The following RERE variants were observed in gnomAD, a reference collection of about 807,000 sequenced individuals.
The protein encoded by RERE is arginine-glutamic acid dipeptide repeats, also known as arginine-glutamic acid dipeptide repeats protein.
A neutral mutation model predicts 146.1 loss-of-function variants in RERE; 40 were observed. That is an observed-to-expected ratio of 0.27 (90% CI 0.21 to 0.36). RERE has a LOEUF of 0.36. RERE is among the 10% of genes least tolerant of loss of function. The pLI is 1.00. For missense variants in RERE, 1,933 were observed against 2,138.7 expected (o/e 0.90, Z 1.90); for synonymous variants, 1,003 against 866.0 (o/e 1.16, Z -2.78).
intron 2 of RERE, among the ~76,000 whole-genome samples, chr1:8,639,664 A>G (rs1358209306): frequency 6.6e-6 from 1 of 152,234 alleles, no homozygotes; most frequent in Non-Finnish European, 1.5e-5. Flanking sequence ...TATGCTGTGA[A>G]ATAGTGGTAA....
chr1:8,526,030 G>A (rs924068574), intron 7 of RERE: 60 of 1,253,054 alleles, frequency 4.8e-5, no homozygotes, highest in Non-Finnish European at 5.2e-5. Flanking sequence ...TCTCCACGAC[G>A]CAATCAATCT....
chr1:8,614,540 TA>T lies in RERE; in HGVS notation c.522+20del, dbSNP rs1306931082. The T allele has an allele frequency of 6.2e-7, 1 of 1,601,252 alleles. No homozygotes were observed. Among genetic ancestry groups the T allele is most frequent in the Non-Finnish European group, 8.5e-7 (1 of 1,175,298 alleles). ...TGGGATATAAAATACTGATAGCTTT[TA>T]AAAACGGGATTCTCCTTACCCCTAC... is the stretch of plus-strand genomic sequence containing the variant. On this transcript the variant is annotated intron_variant, in intron 4 of 22. Transcript: ENST00000400908.
chr1:8,592,423 A>G (rs1646506552), intron 4 of RERE, among the ~76,000 whole-genome samples: 1 of 152,060 alleles, frequency 6.6e-6, no homozygotes, highest in Admixed American at 6.5e-5. Context: ...GGTGCATACC[A>G]CCATGCCCGG....
intron 2 of RERE, among the ~76,000 whole-genome samples, chr1:8,634,398 AC>A (rs1241865536): frequency 2.6e-5 from 4 of 152,196 alleles, no homozygotes; most frequent in Non-Finnish European, 5.9e-5. Context: ...CCACTATAAA[AC>A]ATCTTCTACA....
intron 2 of RERE, among the ~76,000 whole-genome samples, chr1:8,638,998 C>G (rs1239245844): frequency 6.6e-6 from 1 of 151,988 alleles, no homozygotes; most frequent in Admixed American, 6.6e-5. Flanking sequence ...TGGTCTCGAT[C>G]TCCTGATCTC....
intron 10 of RERE, among the ~76,000 whole-genome samples, chr1:8,488,314 C>G (rs901687475): frequency 6.6e-6 from 1 of 152,032 alleles, no homozygotes; most frequent in Non-Finnish European, 1.5e-5. Context: ...GGCACGGTTT[C>G]GGCTGACTGT....
chr1:8,381,145 T>G, intron 12 of RERE: 1 of 379,292 alleles, frequency 2.6e-6, no homozygotes, highest in Non-Finnish European at 5.3e-6. Context: ...ATGCGCCTGT[T>G]TCCATGATTA....
chr1:8,636,378 T>C (rs1365782827), intron 2 of RERE, among the ~76,000 whole-genome samples: 2 of 151,972 alleles, frequency 1.3e-5, no homozygotes, highest in African/African-American at 4.8e-5. Flanking sequence ...CCTTCTTCCT[T>C]ATTAAGAAGG....
chr1:8,513,845 G>A (rs1645374853), intron 7 of RERE, among the ~76,000 whole-genome samples: 1 of 152,136 alleles, frequency 6.6e-6, no homozygotes, highest in South Asian at 2.1e-4. Flanking sequence ...TGTACACAAG[G>A]TGAGTCTAAA....
chr1:8,647,641 A>ATATGTGTGTGTGTGTGTGTG lies in RERE; in HGVS notation c.325+8331_325+8332insCACACACACACACACACATA, dbSNP rs371893375. On this transcript the variant is annotated intron_variant, in intron 2 of 22. Coordinates refer to ENST00000400908, the MANE Select transcript of RERE (RefSeq NM_001042681.2). ...AAATGAGCTTCTATTTAAAATATGT[A>ATATGTGTGTGTGTGTGTGTG]TGTGTGTGTGTGTGTGTGTGTGTGT... Among the ~76,000 whole-genome samples, 27 of 148,642 alleles carry ATATGTGTGTGTGTGTGTGTG rather than the reference A, an allele frequency of 1.8e-4. 1 individual carries two copies. Among genetic ancestry groups the ATATGTGTGTGTGTGTGTGTG allele is most frequent in the African/African-American group, 4.9e-4 (20 of 40,478 alleles).
In RERE at chr1:8,361,413, G is replaced by A. The variant is rs1447368361; in HGVS notation, c.2094C>T (p.Ser698=). The change falls in exon 18 of 23, where the codon AGC becomes AGT. Residue 698 remains serine, a synonymous_variant. Transcript: ENST00000400908. Reference sequence around the variant, plus strand: ...CCTGGTCGATGTCTTTGGGGTCACTGCTACCCTCATCGTTGACGCTGCGAC... The same window carrying A: ...CCTGGTCGATGTCTTTGGGGTCACTACTACCCTCATCGTTGACGCTGCGAC... The part of the protein sequence containing the change: ...SDSRSVNDEG[S]SDPKDIDQDN... 14 of 1,613,796 alleles carry A rather than the reference G, an allele frequency of 8.7e-6. No individual in the cohort carries two copies. The highest frequency in any genetic ancestry group is 4.0e-5 in the African/African-American group (3 of 74,880).
chr1:8,728,566 CCA>C (rs1348779697), intron 1 of RERE, among the ~76,000 whole-genome samples: 3 of 151,976 alleles, frequency 2.0e-5, no homozygotes, highest in Non-Finnish European at 4.4e-5. Context: ...TTTCAATTAC[CCA>C]CAGTTATTTG....
rs145140502 is a variant in RERE at position 8,475,660 on chromosome 1, C to T, written c.1105-9637G>A. On this transcript the variant is annotated intron_variant, in intron 10 of 22. Coordinates refer to ENST00000400908, the MANE Select transcript of RERE (RefSeq NM_001042681.2). Reference sequence around the variant, plus strand: ...TCACGCCACTGCACTCTAGCCTGGGCGAAAAGAGTGAGACTCTGTCTCAAG... The same window carrying T: ...TCACGCCACTGCACTCTAGCCTGGGTGAAAAGAGTGAGACTCTGTCTCAAG... Among the ~76,000 whole-genome samples the T allele has an allele frequency of 1.0e-4, 15 of 148,344 alleles. No individual in the cohort carries two copies. In the East Asian group the frequency reaches 1.8e-3, roughly 18 times the overall value.
chr1:8,575,386 T>C (rs1360665081), intron 4 of RERE, among the ~76,000 whole-genome samples: 1 of 149,196 alleles, frequency 6.7e-6, no homozygotes. Context: ...AAGTAACCTT[T>C]TTTTTTTTTT....
In RERE at chr1:8,530,647, C is replaced by T. The variant is rs919672526; in HGVS notation, c.830+10567G>A. On this transcript the variant is annotated intron_variant, in intron 7 of 22. Transcript: ENST00000400908. ...TAAATTTCATTTACTAATTGCCCCG[C>T]ATATCTAGACATGGAACTGAGTTTT... 5.9e-4 allele frequency among the ~76,000 whole-genome samples: 88 copies of T among 149,240 alleles called. 1 individual carries two copies. Among genetic ancestry groups the T allele is most frequent in the Non-Finnish European group, 1.1e-3 (73 of 67,500 alleles).
At chr1:8,661,730 C>A (rs1311696767) in intron 1 of RERE, among the ~76,000 whole-genome samples, 1 of 152,162 alleles carries the variant, frequency 6.6e-6, no homozygotes, top group African/African-American at 2.4e-5. Flanking sequence ...GTTTGAGTTT[C>A]ATGGGGAGAC....
At chr1:8,519,663 G>A (rs1645465831) in intron 7 of RERE, 1 of 152,160 alleles carries the variant, frequency 6.6e-6, no homozygotes, top group Admixed American at 6.5e-5. Flanking sequence ...CAATAAGTGA[G>A]AATGGAAGCT....
intron 10 of RERE, among the ~76,000 whole-genome samples, chr1:8,484,099 T>G (rs1312638129): frequency 6.6e-6 from 1 of 152,194 alleles, no homozygotes; most frequent in Admixed American, 6.5e-5. Context: ...GCAAGATATA[T>G]TCTAGAAAAC....
At chr1:8,516,770 G>A (rs1645425309) in intron 7 of RERE, among the ~76,000 whole-genome samples, 2 of 152,098 alleles carry the variant, frequency 1.3e-5, no homozygotes, top group South Asian at 2.1e-4. Context: ...TTGGTTCTAT[G>A]TTTATTTCAA....
Sources: gnomAD v4.1 joint callset for allele counts (sites outside exome capture counted in the v4.1 genomes callset) on GRCh38, gnomAD v4.1.1 for gene constraint, MANE v1.5 for transcripts, NCBI Gene and HGNC (gene_info 2026-07-23, HGNC 2026-07-21) for gene names.